The following RGPD2 variants were observed in gnomAD, a reference collection of about 807,000 sequenced individuals.
RGPD2 encodes RANBP2 like and GRIP domain containing 2.
RGPD2 carries 2 observed loss-of-function variants against 36.0 expected under a neutral mutation model. The observed-to-expected ratio is 0.06, with a 90% confidence interval of 0.02 to 0.17. The LOEUF (loss-of-function observed/expected upper bound fraction) is 0.17. Ranked by LOEUF, RGPD2 falls within the 10% of genes least tolerant of loss-of-function variation. The pLI, the probability that RGPD2 is intolerant of heterozygous loss-of-function variation, is 1.00. For synonymous variants in RGPD2, 19 were observed against 163.8 expected (o/e 0.12, Z 6.75); for missense variants, 40 against 464.3 (o/e 0.09, Z 8.40).
chr2:87,884,146 C>G, the RGPD2 span, among the ~76,000 whole-genome samples: 1 of 152,086 alleles, frequency 6.6e-6, no homozygotes. Flanking sequence ...CAGGAAGAGT[C>G]ATGGAAAATT....
the RGPD2 span, among the ~76,000 whole-genome samples, chr2:87,958,053 TC>T: frequency 4.2e-3 from 645 of 152,252 alleles, no homozygotes; most frequent in Non-Finnish European, 7.1e-3. Context: ...TAGACATTTT[TC>T]TTCTTGAGTT....
At chr2:87,962,024 T>G in the RGPD2 span, among the ~76,000 whole-genome samples, 7 of 63,192 alleles carry the variant, frequency 1.1e-4, no homozygotes, top group East Asian at 4.3e-3. Flanking sequence ...GAGACACTTG[T>G]CTCAAAAAAA....
the RGPD2 span, among the ~76,000 whole-genome samples, chr2:87,936,247 A>G: frequency 6.6e-6 from 1 of 151,880 alleles, no homozygotes; most frequent in African/African-American, 2.4e-5. Flanking sequence ...TGAATGTTAA[A>G]ATCGCTGAGG....
chr2:87,868,006 AG>A, the RGPD2 span, among the ~76,000 whole-genome samples: 1 of 80,540 alleles, frequency 1.2e-5, no homozygotes, highest in Non-Finnish European at 2.6e-5. Context: ...TACTATGTTC[AG>A]GGCACTATTC....
chr2:87,815,522 A>T (rs1417126153), intron 4 of RGPD2, among the ~76,000 whole-genome samples: 1 of 2,516 alleles, frequency 4.0e-4, no homozygotes, highest in East Asian at 4.5e-3. Context: ...AAAAATCTAT[A>T]ATTATTTCAA....
At chr2:87,901,374 TA>T in the RGPD2 span, among the ~76,000 whole-genome samples, 8 of 57,566 alleles carry the variant, frequency 1.4e-4, no homozygotes, top group Non-Finnish European at 2.0e-4. Flanking sequence ...TCATTCTAAA[TA>T]AAAAAAATTA....
At chr2:87,915,306 G>GTATA in the RGPD2 span, among the ~76,000 whole-genome samples, 44 of 110,754 alleles carry the variant, frequency 4.0e-4, 2 homozygotes, top group African/African-American at 1.6e-3. Flanking sequence ...TATATATATT[G>GTATA]TATATATATG....
At chr2:87,877,329 A>G in the RGPD2 span, among the ~76,000 whole-genome samples, 1 of 152,150 alleles carries the variant, frequency 6.6e-6, no homozygotes, top group Non-Finnish European at 1.5e-5. Flanking sequence ...GTGTTTTTGT[A>G]GTGTTTGGTA....
At chr2:87,896,837 A>T in the RGPD2 span, among the ~76,000 whole-genome samples, 1 of 132,080 alleles carries the variant, frequency 7.6e-6, no homozygotes, top group Non-Finnish European at 1.6e-5. Context: ...GAACCAATAT[A>T]TAATTTGCAC....
the RGPD2 span, among the ~76,000 whole-genome samples, chr2:87,913,384 G>A: frequency 6.6e-6 from 1 of 151,860 alleles, no homozygotes; most frequent in Non-Finnish European, 1.5e-5. Flanking sequence ...CACACACTGG[G>A]GACTGTTGTG....
chr2:87,853,310 A>T, the RGPD2 span, among the ~76,000 whole-genome samples: 3 of 152,050 alleles, frequency 2.0e-5, no homozygotes, highest in Non-Finnish European at 4.4e-5. Flanking sequence ...ATGGCCTGGA[A>T]CTCTCACGCT....
chr2:87,884,593 T>A, the RGPD2 span, among the ~76,000 whole-genome samples: 1 of 151,482 alleles, frequency 6.6e-6, no homozygotes, highest in Non-Finnish European at 1.5e-5. Flanking sequence ...AATAACATCA[T>A]AAATGAAGAA....
chr2:87,846,181 G>A, the RGPD2 span, among the ~76,000 whole-genome samples: 1 of 151,340 alleles, frequency 6.6e-6, no homozygotes, highest in Non-Finnish European at 1.5e-5. Context: ...AGCCTCATTG[G>A]TATATAATTC....
chr2:87,853,162 T>G, the RGPD2 span, among the ~76,000 whole-genome samples: 1 of 151,880 alleles, frequency 6.6e-6, no homozygotes, highest in South Asian at 2.1e-4. Context: ...CTCTGTAATT[T>G]CTTTTTGAAA....
the RGPD2 span, chr2:87,986,035 G>C: frequency 1.0e-5 from 7 of 685,768 alleles, no homozygotes; most frequent in African/African-American, 1.3e-4. Flanking sequence ...AAAGAAAACT[G>C]TCATTAAAGA....
At chr2:87,907,463 A>AAAAAAAAAAAAT in the RGPD2 span, among the ~76,000 whole-genome samples, 1 of 20,472 alleles carries the variant, frequency 4.9e-5, no homozygotes, top group African/African-American at 1.8e-4. Flanking sequence ...AAAAAAAAAA[A>AAAAAAAAAAAAT]GAATTGTGGG....
the RGPD2 span, among the ~76,000 whole-genome samples, chr2:87,935,303 G>C: frequency 6.8e-4 from 102 of 150,712 alleles, no homozygotes; most frequent in African/African-American, 2.2e-3. Context: ...AATAAACAAA[G>C]AGAGTATTCC....
the RGPD2 span, among the ~76,000 whole-genome samples, chr2:87,947,644 C>T: frequency 1.3e-5 from 2 of 151,674 alleles, no homozygotes; most frequent in Non-Finnish European, 2.9e-5. Context: ...ATTAACTGCC[C>T]GTTTTTCTGT....
At chr2:87,911,795 T>G in the RGPD2 span, among the ~76,000 whole-genome samples, 1 of 152,024 alleles carries the variant, frequency 6.6e-6, no homozygotes, top group Non-Finnish European at 1.5e-5. Context: ...CTCATTTTAG[T>G]TGGCCTTTGA....
Sources: gnomAD v4.1 joint callset for allele counts (sites outside exome capture counted in the v4.1 genomes callset) on GRCh38, gnomAD v4.1.1 for gene constraint, MANE v1.5 for transcripts, NCBI Gene and HGNC (gene_info 2026-07-23, HGNC 2026-07-21) for gene names.